The following ATP6V0A1 variants were observed in gnomAD, a reference collection of about 807,000 sequenced individuals.
ATP6V0A1 encodes V-type proton ATPase 116 kDa subunit a 1.
ATP6V0A1 carries 43 observed loss-of-function variants against 105.4 expected under a neutral mutation model. The observed-to-expected ratio is 0.41, with a 90% CI of 0.32 to 0.53. The LOEUF (loss-of-function observed/expected upper bound fraction) is 0.53. Ranked by LOEUF, ATP6V0A1 falls within the 20% of genes least tolerant of loss-of-function variation. The probability of loss-of-function intolerance (pLI) is 0.30; values close to 1 mark genes in which losing one functional copy is unlikely to be tolerated. For synonymous variants in ATP6V0A1, 362 were observed against 372.8 expected, an observed-to-expected ratio of 0.97 and a Z score of 0.33; for missense variants, 676 against 1,051.1, an observed-to-expected ratio of 0.64 and a Z score of 4.93.
chr17:42,521,152 C>A lies in ATP6V0A1; in HGVS notation c.*32C>A. On this transcript the variant is annotated 3_prime_UTR_variant, in exon 22 of 22. Transcript: ENST00000343619. This position sits in a 1 kb window ranked among gnomAD's most constrained non-coding sequence, Gnocchi z 4.8. Reference sequence around the variant, plus strand: ...GTGAGGGCCGTGTGCCCCATGCTACCCTCCCCGCCTCCCTCCACAGTGATC... The same window carrying A: ...GTGAGGGCCGTGTGCCCCATGCTACACTCCCCGCCTCCCTCCACAGTGATC... The A allele has an allele frequency of 6.5e-7, 1 of 1,536,282 alleles. No homozygotes were observed. The highest frequency in any genetic ancestry group is 1.2e-5 in the South Asian group (1 of 84,158).
intron 19 of ATP6V0A1, 146 bp downstream of exon 19, chr17:42,508,735 C>A (rs1171894594): frequency 8.9e-7 from 1 of 1,119,066 alleles, no homozygotes; most frequent in Non-Finnish European, 1.3e-6. Context: ...CAAACCAGTT[C>A]GTGAGCCTGT....
Position 42,490,628 on chromosome 17 carries a change from A to T in ATP6V0A1, c.1165A>T (p.Ile389Leu). 6.3e-7 allele frequency: 1 copy of T among 1,585,520 alleles called. No homozygotes were observed. The highest frequency in any genetic ancestry group is 8.5e-7 in the Non-Finnish European group (1 of 1,172,194). The change falls in exon 11 of 22, where the codon ATA becomes TTA. Residue 389 changes from isoleucine to leucine, a missense_variant. By Grantham distance (5) the Ile-to-Leu change is conservative (BLOSUM62 2). Transcript: ENST00000343619. ...DAYGIGTYRE[I>L]NPAPYTIITF... Reference sequence around the variant, plus strand: ...TTATGGAATTGGAACTTACCGAGAGATAAATCCAGGTAAAAAAAAGCTTGT... The same window carrying T: ...TTATGGAATTGGAACTTACCGAGAGTTAAATCCAGGTAAAAAAAAGCTTGT...
intron 14 of ATP6V0A1, among the ~76,000 whole-genome samples, chr17:42,497,928 T>A (rs1646243403): frequency 1.4e-5 from 2 of 138,170 alleles, no homozygotes; most frequent in Non-Finnish European, 3.1e-5. Flanking sequence ...CGAGAGTTCA[T>A]CTCAAAAAAA....
chr17:42,462,802 G>C (rs918903035), intron 2 of ATP6V0A1, among the ~76,000 whole-genome samples: 1 of 151,278 alleles, frequency 6.6e-6, no homozygotes, highest in African/African-American at 2.4e-5. Context: ...AATAGAGATG[G>C]GGGTCTCGCC....
In ATP6V0A1 at chr17:42,490,611, T is replaced by C; in HGVS notation, c.1148T>C (p.Ile383Thr). The C allele has an allele frequency of 1.2e-6, 2 of 1,603,794 alleles. No individual in the cohort carries two copies. The highest frequency in any genetic ancestry group is 8.5e-7 in the Non-Finnish European group (1 of 1,177,252). ...GFQNIVDAYGIGTYREINPAP... is the reference protein window; with the variant it reads ...GFQNIVDAYGTGTYREINPAP... ...CAGAACATAGTAGATGCTTATGGAA[T>C]TGGAACTTACCGAGAGATAAATCCA... The change falls in exon 11 of 22, where the codon ATT becomes ACT. Residue 383 changes from isoleucine to threonine, a missense_variant. Physicochemically the swap from Ile to Thr is moderately conservative, Grantham distance 89. Around this residue, in one of 3 missense-constraint regions of ATP6V0A1, gnomAD observed 435 missense variants for 642.2 expected, o/e 0.68. Coordinates refer to ENST00000343619, the MANE Select transcript of ATP6V0A1 (RefSeq NM_001130021.3).
intron 5 of ATP6V0A1, 168 bp from the exon 6 acceptor site, chr17:42,477,492 A>G (rs2088905486): frequency 1.7e-6 from 1 of 579,084 alleles, no homozygotes; most frequent in Non-Finnish European, 2.9e-6. Flanking sequence ...TTCATCCCCT[A>G]TTCTTCTTGT....
chr17:42,497,535 G>A (rs1032947770), intron 14 of ATP6V0A1, among the ~76,000 whole-genome samples: 3 of 151,432 alleles, frequency 2.0e-5, no homozygotes, highest in South Asian at 2.1e-4. Context: ...TTAGCCAGGC[G>A]TGGTGGCGAG....
At chr17:42,471,794 A>G (rs1436592266) in intron 5 of ATP6V0A1, among the ~76,000 whole-genome samples, 1 of 151,986 alleles carries the variant, frequency 6.6e-6, no homozygotes, top group Non-Finnish European at 1.5e-5. Context: ...CATGGAAAGG[A>G]TCTGGAGCAA....
At chr17:42,471,422 A>C (rs1376112509) in intron 5 of ATP6V0A1, 1 of 81,588 alleles carries the variant, frequency 1.2e-5, no homozygotes, top group African/African-American at 3.6e-5. Context: ...ACTCTGTCTC[A>C]AAAAAAAAAA....
At chr17:42,493,969 C>T (rs1295143875) in intron 11 of ATP6V0A1, among the ~76,000 whole-genome samples, 1 of 152,106 alleles carries the variant, frequency 6.6e-6, no homozygotes, top group Non-Finnish European at 1.5e-5. Flanking sequence ...GAAGCCTGGG[C>T]ACGGTGGCTC....
Position 42,504,827 on chromosome 17 carries a change from T to C in ATP6V0A1, c.2005-2693T>C, listed in dbSNP as rs368821740. Among the ~76,000 whole-genome samples, 58 of 152,260 alleles carry C rather than the reference T, an allele frequency of 3.8e-4. 1 individual carries two copies. Among genetic ancestry groups the C allele is most frequent in the African/African-American group, 1.3e-3 (56 of 41,546 alleles). Reference sequence around the variant, plus strand: ...AAACCACCTGCCCCCACTACAGTCCTCCTCTTCAGGGGGCATTGTTAACAG... The same window carrying C: ...AAACCACCTGCCCCCACTACAGTCCCCCTCTTCAGGGGGCATTGTTAACAG... On this transcript the variant is annotated intron_variant, in intron 17 of 21. Coordinates refer to ENST00000343619, the MANE Select transcript of ATP6V0A1 (RefSeq NM_001130021.3).
chr17:42,460,429 TGA>T (rs2145584581), intron 1 of ATP6V0A1: 1 of 158,006 alleles, frequency 6.3e-6, no homozygotes, highest in East Asian at 1.8e-4. Context: ...GACATCTTTA[TGA>T]GAGGGTATTG....
intron 13 of ATP6V0A1, 74 bp downstream of exon 13, chr17:42,495,262 A>G (rs1362887503): frequency 4.0e-6 from 6 of 1,490,124 alleles, no homozygotes; most frequent in Non-Finnish European, 2.8e-6. Flanking sequence ...GACAAGTGGT[A>G]AACTGACACT....
intron 2 of ATP6V0A1, among the ~76,000 whole-genome samples, chr17:42,462,998 C>CTTTTTTTTTTTTTTTTTTTTTTTTTTT (rs35135162): frequency 1.5e-5 from 1 of 66,174 alleles, no homozygotes; most frequent in Non-Finnish European, 2.6e-5. Context: ...GGATATGGAA[C>CTTTTTTTTTTTTTTTTTTTTTTTTTTT]TTTTTTTTTT....
intron 4 of ATP6V0A1, 81 bp from the exon 5 acceptor site, chr17:42,470,009 G>T: frequency 2.2e-6 from 3 of 1,363,942 alleles, no homozygotes; most frequent in Non-Finnish European, 3.0e-6. Context: ...CTTGGCAACA[G>T]TTCTGTGGGA....
rs141449349 is a variant in ATP6V0A1, at chr17:42,514,440, C to T, written c.2400C>T (p.Leu800=). 5.4e-5 allele frequency: 87 copies of T among 1,606,544 alleles called. No homozygotes were observed. The African/African-American group carries it at 9.2e-4, about 17-fold the overall frequency. Residue 800 remains leucine, a synonymous_variant, in exon 21 of 22, where the codon CTC becomes CTT. Coordinates refer to ENST00000343619, the MANE Select transcript of ATP6V0A1 (RefSeq NM_001130021.3). ...TCATGGAGGGCCTCTCGGCCTTTCT[C>T]CACGCACTGCGCTTACACTGGTGAG... is the stretch of plus-strand genomic sequence containing the variant. ...LLIMEGLSAF[L]HALRLHWVEF...
At chr17:42,479,407 A>G (rs563071589) in intron 7 of ATP6V0A1, among the ~76,000 whole-genome samples, 31 of 152,336 alleles carry the variant, frequency 2.0e-4, no homozygotes, top group Admixed American at 2.0e-4. Context: ...GAAACAGTTT[A>G]ACATCCTGGC....
intron 8 of ATP6V0A1, among the ~76,000 whole-genome samples, chr17:42,482,488 T>C (rs1052413958): frequency 6.6e-6 from 1 of 152,162 alleles, no homozygotes; most frequent in Non-Finnish European, 1.5e-5. Context: ...TCCGTTAATT[T>C]ACAATATAAT....
intron 15 of ATP6V0A1, among the ~76,000 whole-genome samples, chr17:42,499,762 G>A (rs535963629): frequency 4.0e-5 from 6 of 151,562 alleles, no homozygotes; most frequent in East Asian, 1.9e-4. Context: ...CACTCCAGTC[G>A]GGGTGACAGA....
Sources: gnomAD v4.1 joint callset for allele counts (sites outside exome capture counted in the v4.1 genomes callset) on GRCh38, gnomAD v4.1.1 for gene constraint, gnomAD v4.1.1 regional missense constraint, Gnocchi (gnomAD v3.1) non-coding constraint, MANE v1.5 for transcripts, NCBI Gene and HGNC (gene_info 2026-07-23, HGNC 2026-07-21) for gene names.